The following ART1 variants were observed in gnomAD, a reference collection of about 807,000 sequenced individuals.
The protein encoded by ART1 is ADP-ribosyltransferase 1, also known as GPI-linked NAD(P)(+)--arginine ADP-ribosyltransferase 1.
ART1 carries 29 observed loss-of-function variants against 27.0 expected under a neutral mutation model. That is an observed-to-expected ratio of 1.08 (90% CI 0.80 to 1.47). The LOEUF is 1.47. Among genes scored for constraint, ART1 ranks in the 40% most tolerant of loss-of-function variants. The pLI is 0.00. For missense variants in ART1, 480 were observed against 423.0 expected (o/e 1.13, Z -1.18); for synonymous variants, 201 against 172.2 (o/e 1.17, Z -1.31).
At position 3,658,215 on chromosome 11, in the gene ART1, C is replaced by T. The variant is rs181474279; in HGVS notation, c.-52-947C>T. Among the ~76,000 whole-genome samples, 410 of 151,886 alleles carry T rather than the reference C, an allele frequency of 2.7e-3. 2 individuals carry two copies. Among genetic ancestry groups the T allele is most frequent in the African/African-American group, 9.6e-3 (399 of 41,392 alleles). ...GGGTGTGGAGGCGGGCACCTCTAGT[C>T]CCAGCTACTCCGGAGGCTGAGGCAA... On this transcript the variant is annotated intron_variant, in intron 1 of 4. Coordinates refer to ENST00000250693, the MANE Select transcript of ART1 (RefSeq NM_004314.3).
chr11:3,655,040 G>T (rs920135461), intron 1 of ART1, among the ~76,000 whole-genome samples: 8 of 152,198 alleles, frequency 5.3e-5, no homozygotes, highest in Non-Finnish European at 4.4e-5. Context: ...TTACTCCCAG[G>T]CTCATGGTCT....
At chr11:3,658,389 C>T (rs1333982713) in intron 1 of ART1, among the ~76,000 whole-genome samples, 2 of 151,810 alleles carry the variant, frequency 1.3e-5, no homozygotes, top group African/African-American at 4.8e-5. Flanking sequence ...TGCTCCAATC[C>T]AGACCCAATG....
At chr11:3,659,349 GAA>G in intron 2 of ART1, 73 bp downstream of exon 2, 2 of 1,595,282 alleles carry the variant, frequency 1.3e-6, no homozygotes, top group South Asian at 2.2e-5. Context: ...CCTGGAGGGA[GAA>G]AGAGAGAGAG....
chr11:3,654,951 G>A (rs1321224905), intron 1 of ART1, among the ~76,000 whole-genome samples: 2 of 152,238 alleles, frequency 1.3e-5, no homozygotes, highest in Non-Finnish European at 2.9e-5. Flanking sequence ...GACACAATGA[G>A]AGATACAGCT....
chr11:3,663,033 A>ATCATC (rs1554883211), intron 4 of ART1, among the ~76,000 whole-genome samples: 2,625 of 82,358 alleles, frequency 0.032, 143 homozygotes, highest in Admixed American at 0.088. Context: ...ATCTCATCTC[A>ATCATC]TCATCTCATC....
intron 1 of ART1, among the ~76,000 whole-genome samples, chr11:3,649,294 CA>C (rs2077497452): frequency 6.6e-6 from 1 of 152,188 alleles, no homozygotes; most frequent in Admixed American, 6.5e-5. Flanking sequence ...GACCCCAATA[CA>C]AACTCGACAG....
Position 3,660,253 on chromosome 11 carries a change from C to A in ART1, c.734C>A (p.Pro245His), listed in dbSNP as rs150574054. 1.6e-4 allele frequency: 260 copies of A among 1,613,428 alleles called. No homozygotes were observed. Among genetic ancestry groups the A allele is most frequent in the Non-Finnish European group, 2.0e-4 (231 of 1,180,038 alleles). The change falls in exon 3 of 5, where the codon CCC (proline) becomes CAC (histidine). Residue 245 changes from proline to histidine, a missense_variant. Coordinates refer to ENST00000250693, the MANE Select transcript of ART1 (RefSeq NM_004314.3). Reference protein sequence around the residue: ...FPGEEEVLIPPFETFQVINAS... With the variant: ...FPGEEEVLIPHFETFQVINAS... Reference sequence around the variant, plus strand: ...GGAGAGGAAGAGGTGCTGATCCCCCCCTTTGAGACCTTCCAAGTGATCAAT... The same window carrying A: ...GGAGAGGAAGAGGTGCTGATCCCCCACTTTGAGACCTTCCAAGTGATCAAT...
At position 3,648,600 on chromosome 11, in the gene ART1, G is replaced by A. The variant is rs561770885; in HGVS notation, c.-53+3421G>A. On this transcript the variant is annotated intron_variant, in intron 1 of 4. Coordinates refer to ENST00000250693, the MANE Select transcript of ART1 (RefSeq NM_004314.3). ...TTTCTGGTAGAGACAAAGGAGACAC[G>A]TTTTATCTGTGGACCCAAAACTCCG... Among the ~76,000 whole-genome samples, 10 of 152,248 alleles carry A rather than the reference G, an allele frequency of 6.6e-5. No homozygotes were observed. In the East Asian group the frequency reaches 1.5e-3, roughly 24 times the overall value.
chr11:3,648,055 T>C (rs111595545), intron 1 of ART1, among the ~76,000 whole-genome samples: 5,573 of 152,222 alleles, frequency 0.037, 151 homozygotes, highest in South Asian at 0.13. Flanking sequence ...CTTGTGAAAT[T>C]CCTTCTCCTG....
Position 3,659,148 on chromosome 11 carries a change from C to T in ART1, c.-52-14C>T, listed in dbSNP as rs2133961829. On this transcript the variant is annotated splice_polypyrimidine_tract_variant and intron_variant, in intron 1 of 4. Coordinates refer to ENST00000250693, the MANE Select transcript of ART1 (RefSeq NM_004314.3). The stretch of plus-strand genomic sequence containing the variant: ...GTTTATTAAACTATACAGATTAACA[C>T]TGCAATTTTCCAGATGAGGAAACTG... 1 of 1,478,088 alleles carries T rather than the reference C, an allele frequency of 6.8e-7. No homozygotes were observed. The highest frequency in any genetic ancestry group is 9.4e-7 in the Non-Finnish European group (1 of 1,059,442). The allele number at this position is 1,478,088 out of a possible 1,614,324, so 91.6% of individuals were successfully genotyped here. A position where few individuals can be genotyped will look rare whatever the true frequency, so the allele number is the denominator to read the frequency against.
At chr11:3,646,236 G>A (rs541009182) in intron 1 of ART1, among the ~76,000 whole-genome samples, 4 of 152,270 alleles carry the variant, frequency 2.6e-5, no homozygotes. Flanking sequence ...TGGGCAGGCA[G>A]GATATTGGGG....
At chr11:3,653,741 C>T (rs1054462855) in intron 1 of ART1, among the ~76,000 whole-genome samples, 9 of 152,106 alleles carry the variant, frequency 5.9e-5, no homozygotes, top group Admixed American at 3.9e-4. Flanking sequence ...CCCTCTCTCA[C>T]GTCCCCTATA....
In ART1 at chr11:3,664,352, A is replaced by G. The variant is rs551573417; in HGVS notation, c.*163A>G. 26 of 669,952 alleles carry G rather than the reference A, an allele frequency of 3.9e-5. No individual in the cohort carries two copies. The Admixed American group carries it at 4.4e-4, about 11-fold the overall frequency. 41.5% of individuals were successfully genotyped at this position (669,952 alleles called of 1,614,324 possible). A position where few individuals can be genotyped will look rare whatever the true frequency, so the allele number is the denominator to read the frequency against. On this transcript the variant is annotated 3_prime_UTR_variant, in exon 5 of 5. Transcript: ENST00000250693. ...ACCGGCTGGTGGAGAAACAGGAGAC[A>G]ATCTGGGGACTGAACCTTACCCAGG...
intron 1 of ART1, among the ~76,000 whole-genome samples, chr11:3,649,617 C>T (rs904664962): frequency 3.9e-5 from 6 of 152,348 alleles, no homozygotes; most frequent in Middle Eastern, 3.4e-3. Flanking sequence ...CCAATTCTTC[C>T]TCAGCCTCAG....
intron 1 of ART1, among the ~76,000 whole-genome samples, chr11:3,647,864 T>C (rs1381310336): frequency 6.7e-6 from 1 of 149,498 alleles, no homozygotes; most frequent in Non-Finnish European, 1.5e-5. Context: ...TGCACAGGGC[T>C]GTGCTGGAGC....
intron 1 of ART1, among the ~76,000 whole-genome samples, chr11:3,649,681 T>A (rs997181232): frequency 6.6e-6 from 1 of 152,108 alleles, no homozygotes; most frequent in African/African-American, 2.4e-5. Flanking sequence ...CCGGTCTGGT[T>A]TACCATTTCA....
intron 4 of ART1, among the ~76,000 whole-genome samples, chr11:3,663,124 C>CTCATCTCATCTCATCTCA (rs1564787106): frequency 6.8e-6 from 1 of 147,360 alleles, no homozygotes; most frequent in Non-Finnish European, 1.5e-5. Flanking sequence ...CTCATCTCAT[C>CTCATCTCATCTCATCTCA]TCATCTCATC....
Position 3,660,270 on chromosome 11 carries a change from G to C in ART1, c.751G>C (p.Val251Leu). The C allele has an allele frequency of 6.2e-7, 1 of 1,612,862 alleles. No homozygotes were observed. Among genetic ancestry groups the C allele is most frequent in the Non-Finnish European group, 8.5e-7 (1 of 1,180,018 alleles). ...GATCCCCCCCTTTGAGACCTTCCAA[G>C]TGATCAATGCCAGCAGACTGGCCCA... The part of the protein sequence containing the change: ...VLIPPFETFQ[V>L]INASRLAQGP... Residue 251 changes from valine to leucine, a missense_variant, in exon 3 of 5, where the codon GTG (valine) becomes CTG (leucine). Val to Leu is a conservative substitution (Grantham distance 32). Coordinates refer to ENST00000250693, the MANE Select transcript of ART1 (RefSeq NM_004314.3).
chr11:3,655,551 C>G (rs921117941), intron 1 of ART1: 1 of 152,196 alleles, frequency 6.6e-6, no homozygotes, highest in African/African-American at 2.4e-5. Context: ...AATGTGAGCC[C>G]TAGAAGTGGG....
Sources: gnomAD v4.1 joint callset for allele counts (sites outside exome capture counted in the v4.1 genomes callset) on GRCh38, gnomAD v4.1.1 for gene constraint, MANE v1.5 for transcripts, NCBI Gene and HGNC (gene_info 2026-07-23, HGNC 2026-07-21) for gene names.